Variants in SLF2 observed in about 807,000 individuals in gnomAD.
SLF2 encodes the protein SMC5-SMC6 complex localization factor protein 2.
In SLF2, 68 loss-of-function variants were observed where a neutral mutation model predicts 124.3. The observed-to-expected ratio is 0.55, with a 90% CI of 0.45 to 0.67. SLF2 has a LOEUF of 0.67. SLF2 is among the 30% of genes least tolerant of loss of function. The pLI, the probability that SLF2 is intolerant of heterozygous loss-of-function variation, is 0.00. For missense variants in SLF2, 1,246 were observed against 1,373.7 expected, an observed-to-expected ratio of 0.91 and a Z score of 1.47; for synonymous variants, 480 against 478.8, an observed-to-expected ratio of 1.00 and a Z score of -0.03.
chr10:100,950,821 A>G (rs780553216), intron 17 of SLF2, 68 bp downstream of exon 17: 1 of 1,229,800 alleles, frequency 8.1e-7, no homozygotes, highest in South Asian at 1.2e-5. Flanking sequence ...ATGAGTGAGC[A>G]TGCTTTATAT....
chr10:100,946,000 A>G (rs943869006), intron 13 of SLF2, among the ~76,000 whole-genome samples: 9 of 152,246 alleles, frequency 5.9e-5, no homozygotes, highest in Non-Finnish European at 1.2e-4. Context: ...AAATGAAATG[A>G]TGGAGTGAGT....
At position 100,913,279 on chromosome 10, in the gene SLF2, C is replaced by T. The variant is rs1422149296; in HGVS notation, c.140+29C>T. Reference sequence around the variant, plus strand: ...CCGTGCAGAGGGCTTGAGAAGGGGCCGGGTCGCGGGGGCAAGGGTATGAGG... The same window carrying T: ...CCGTGCAGAGGGCTTGAGAAGGGGCTGGGTCGCGGGGGCAAGGGTATGAGG... On this transcript the variant is annotated intron_variant, in intron 1 of 19. Transcript: ENST00000238961. 7 of 1,540,550 alleles carry T rather than the reference C, an allele frequency of 4.5e-6. No individual in the cohort carries two copies. In the Admixed American group the frequency reaches 5.9e-5, roughly 13 times the overall value.
chr10:100,937,950 A>G (rs1262164800), intron 10 of SLF2, among the ~76,000 whole-genome samples: 1 of 152,170 alleles, frequency 6.6e-6, no homozygotes, highest in African/African-American at 2.4e-5. Context: ...CAGTTAAACA[A>G]CGAGTATCTG....
At chr10:100,931,376 T>A (rs1369167394) in intron 9 of SLF2, among the ~76,000 whole-genome samples, 1 of 152,208 alleles carries the variant, frequency 6.6e-6, no homozygotes, top group East Asian at 1.9e-4. Flanking sequence ...TACCTAAATT[T>A]CTTTTTAACC....
At chr10:100,939,057 A>G (rs1451375299) in intron 11 of SLF2, among the ~76,000 whole-genome samples, 1 of 152,238 alleles carries the variant, frequency 6.6e-6, no homozygotes, top group Non-Finnish European at 1.5e-5. Context: ...AAAATTGGAA[A>G]GGAGTTGCTG....
At chr10:100,917,930 A>G (rs1849450236) in intron 3 of SLF2, among the ~76,000 whole-genome samples, 1 of 152,224 alleles carries the variant, frequency 6.6e-6, no homozygotes, top group African/African-American at 2.4e-5. Context: ...AAATAAATAA[A>G]TAAATAAATA....
intron 10 of SLF2, among the ~76,000 whole-genome samples, chr10:100,938,307 G>C (rs779779963): frequency 1.7e-4 from 25 of 150,698 alleles, no homozygotes; most frequent in Non-Finnish European, 3.0e-4. Context: ...TTGATAGTTG[G>C]GATTTTATCA....
intron 17 of SLF2, among the ~76,000 whole-genome samples, chr10:100,951,433 A>C (rs1850211948): frequency 6.6e-6 from 1 of 152,204 alleles, no homozygotes; most frequent in Non-Finnish European, 1.5e-5. Flanking sequence ...AGCAGGCTAC[A>C]CAGGAGAACT....
chr10:100,940,771 TCCCCTGCCCCTGCTCCTG>T, intron 11 of SLF2, among the ~76,000 whole-genome samples: 1 of 81,434 alleles, frequency 1.2e-5, no homozygotes, highest in Non-Finnish European at 2.3e-5. Context: ...TTCTCCCCCT[TCCCCTGCCCCTGCTCCTG>T]CCCCTGCCCC....
intron 9 of SLF2, among the ~76,000 whole-genome samples, chr10:100,932,641 T>C (rs938327815): frequency 2.0e-5 from 3 of 152,032 alleles, no homozygotes; most frequent in African/African-American, 7.2e-5. Flanking sequence ...AAAAAATCAG[T>C]GTCTCTGATC....
At chr10:100,960,382 C>T in intron 19 of SLF2, among the ~76,000 whole-genome samples, 1 of 152,184 alleles carries the variant, frequency 6.6e-6, no homozygotes, top group Non-Finnish European at 1.5e-5. Flanking sequence ...ATTTTATATT[C>T]CCACCAGAAT....
At chr10:100,950,978 C>G (rs983751571) in intron 17 of SLF2, among the ~76,000 whole-genome samples, 1 of 152,200 alleles carries the variant, frequency 6.6e-6, no homozygotes. Context: ...CCATGGCTCA[C>G]GCCTGTAATC....
chr10:100,952,280 G>A (rs1245618808), intron 17 of SLF2, among the ~76,000 whole-genome samples: 1 of 142,668 alleles, frequency 7.0e-6, no homozygotes, highest in Non-Finnish European at 1.5e-5. Flanking sequence ...GGTGGCTCAT[G>A]CCTGTAATCC....
At chr10:100,932,426 G>C (rs963412659) in intron 9 of SLF2, among the ~76,000 whole-genome samples, 2 of 152,106 alleles carry the variant, frequency 1.3e-5, no homozygotes, top group Non-Finnish European at 2.9e-5. Flanking sequence ...AAGTATCAAT[G>C]GTGTCAGAGA....
chr10:100,917,199 A>G lies in SLF2; in HGVS notation c.814A>G (p.Ser272Gly). Reference sequence around the variant, plus strand: ...CGAGAATTCTTTCTCAGAAGCAAGCAGTCTTTCCTTAAAATCTAGTATAGA... The same window carrying G: ...CGAGAATTCTTTCTCAGAAGCAAGCGGTCTTTCCTTAAAATCTAGTATAGA... ...NSENSFSEAS[S>G]LSLKSSIERK... Residue 272 changes from serine (S) to glycine (G), a missense_variant, in exon 3 of 20, where the codon AGT (serine) becomes GGT (glycine). Ser to Gly is a moderately conservative substitution (Grantham distance 56, BLOSUM62 0). Around this residue, in one of 3 missense-constraint regions of SLF2, gnomAD observed 698 missense variants for 708.9 expected, o/e 0.98. Coordinates refer to ENST00000238961, the MANE Select transcript of SLF2 (RefSeq NM_018121.4). 1.2e-6 allele frequency: 2 copies of G among 1,614,226 alleles called. No homozygotes were observed. Among genetic ancestry groups the G allele is most frequent in the Non-Finnish European group, 1.7e-6 (2 of 1,180,050 alleles).
At position 100,924,623 on chromosome 10, in the gene SLF2, C is replaced by A. The variant is rs10883563; in HGVS notation, c.1622C>A (p.Ser541Tyr). ...TCTAATGTATCTTCAGGGAAAATTT[C>A]TGGGGGACCTTTGCGCTCAGAATAT... ...ADSNVSSGKI[S>Y]GGPLRSEYGT... Residue 541 changes from serine (S) to tyrosine (Y), a missense_variant, in exon 5 of 20, where the codon TCT becomes TAT. By Grantham distance (144) the Ser-to-Tyr change is moderately radical. Transcript: ENST00000238961. 820,251 of 1,613,702 alleles carry A rather than the reference C, an allele frequency of 0.51. 218,750 individuals are homozygous for A. The highest frequency in any genetic ancestry group is 0.57 in the Middle Eastern group (3,442 of 6,062).
intron 1 of SLF2, among the ~76,000 whole-genome samples, chr10:100,915,359 G>A (rs190122455): frequency 1.8e-4 from 27 of 152,178 alleles, no homozygotes; most frequent in Non-Finnish European, 3.5e-4. Flanking sequence ...GTATAAAGAG[G>A]GTAGCATAAG....
intron 4 of SLF2, among the ~76,000 whole-genome samples, chr10:100,921,414 T>C (rs554286800): frequency 6.6e-6 from 1 of 152,186 alleles, no homozygotes; most frequent in Non-Finnish European, 1.5e-5. Flanking sequence ...TCAATCTCTC[T>C]CTTATATGAA....
intron 19 of SLF2, among the ~76,000 whole-genome samples, chr10:100,960,617 A>T (rs1850408857): frequency 6.6e-6 from 1 of 152,158 alleles, no homozygotes; most frequent in African/African-American, 2.4e-5. Flanking sequence ...ACTTCATTTC[A>T]AAAAGCCTAT....
Sources: allele counts gnomAD v4.1 joint callset (sites outside exome capture counted in the v4.1 genomes callset), GRCh38; gene constraint gnomAD v4.1.1; regional missense constraint gnomAD v4.1.1; transcripts MANE v1.5; gene names NCBI Gene and HGNC (gene_info 2026-07-23, HGNC 2026-07-21).